The following MGAT4C variants were observed in gnomAD, a reference collection of about 807,000 sequenced individuals.
MGAT4C encodes the protein alpha-1,3-mannosyl-glycoprotein 4-beta-N-acetylglucosaminyltransferase C.
A neutral mutation model predicts 40.1 loss-of-function variants in MGAT4C; 19 were observed. The ratio of observed to expected loss-of-function variants is 0.47; its 90% CI spans 0.33 to 0.70. The LOEUF is 0.70. Ranked by LOEUF, MGAT4C falls within the 30% of genes least tolerant of loss-of-function variation. The pLI is 0.02. For missense variants in MGAT4C, 491 were observed against 563.2 expected, an observed-to-expected ratio of 0.87 and a Z score of 1.30; for synonymous variants, 181 against 187.1, an observed-to-expected ratio of 0.97 and a Z score of 0.27.
At chr12:86,518,737 A>C (rs1349632976) in intron 2 of MGAT4C, among the ~76,000 whole-genome samples, 1 of 152,178 alleles carries the variant, frequency 6.6e-6, no homozygotes, top group South Asian at 2.1e-4. Flanking sequence ...GCACACTACT[A>C]CTTCTATCAG....
intron 1 of MGAT4C, among the ~76,000 whole-genome samples, chr12:86,097,729 C>T (rs1339907945): frequency 6.6e-6 from 1 of 151,380 alleles, no homozygotes; most frequent in Non-Finnish European, 1.5e-5. Context: ...TTATAATTAG[C>T]CTATTATTTC....
At chr12:86,083,500 T>C (rs989098828) in intron 1 of MGAT4C, among the ~76,000 whole-genome samples, 2 of 152,062 alleles carry the variant, frequency 1.3e-5, no homozygotes, top group African/African-American at 4.8e-5. Flanking sequence ...TTTCCTGTCA[T>C]TTCCTCACAA....
intron 2 of MGAT4C, among the ~76,000 whole-genome samples, chr12:86,626,885 C>T (rs1962822912): frequency 6.6e-6 from 1 of 152,168 alleles, no homozygotes; most frequent in East Asian, 1.9e-4. Flanking sequence ...TGGGTGCAAC[C>T]CACAGAGGGT....
chr12:86,713,135 A>G (rs1950588227), intron 2 of MGAT4C, among the ~76,000 whole-genome samples: 1 of 151,980 alleles, frequency 6.6e-6, no homozygotes, highest in Admixed American at 6.6e-5. Flanking sequence ...TATTTATACA[A>G]TTACATTAAG....
chr12:86,025,862 T>A (rs1890197111), intron 2 of MGAT4C, among the ~76,000 whole-genome samples: 1 of 151,802 alleles, frequency 6.6e-6, no homozygotes, highest in African/African-American at 2.4e-5. Context: ...TTATGCTATG[T>A]TGTCTCTCTT....
At chr12:86,088,688 C>T (rs1872351051) in intron 1 of MGAT4C, among the ~76,000 whole-genome samples, 1 of 151,042 alleles carries the variant, frequency 6.6e-6, no homozygotes, top group African/African-American at 2.4e-5. Flanking sequence ...GATACCATCT[C>T]ATATTAAAAG....
chr12:86,509,592 G>T (rs1459831353), intron 2 of MGAT4C, among the ~76,000 whole-genome samples: 1 of 152,014 alleles, frequency 6.6e-6, no homozygotes, highest in African/African-American at 2.4e-5. Flanking sequence ...TTCCAATTCT[G>T]TGAAGAAAGT....
chr12:86,698,242 T>C (rs1423971158), intron 2 of MGAT4C, among the ~76,000 whole-genome samples: 4 of 151,922 alleles, frequency 2.6e-5, no homozygotes, highest in Non-Finnish European at 2.9e-5. Flanking sequence ...TAAAGGAGTA[T>C]TAATAGATTC....
At chr12:86,431,934 G>A (rs1957047184) in intron 3 of MGAT4C, among the ~76,000 whole-genome samples, 1 of 152,086 alleles carries the variant, frequency 6.6e-6, no homozygotes, top group Non-Finnish European at 1.5e-5. Flanking sequence ...AAAGACTATG[G>A]AGAGAAGAGG....
intron 1 of MGAT4C, among the ~76,000 whole-genome samples, chr12:86,220,595 T>G (rs1279490665): frequency 6.6e-6 from 1 of 152,166 alleles, no homozygotes; most frequent in Non-Finnish European, 1.5e-5. Context: ...CTACTGTGAT[T>G]CCTAATGCAT....
chr12:86,505,709 G>A (rs183465418), intron 2 of MGAT4C, among the ~76,000 whole-genome samples: 7 of 152,168 alleles, frequency 4.6e-5, no homozygotes, highest in Non-Finnish European at 7.4e-5. Context: ...TATGACTTAG[G>A]TTCATTTGTA....
chr12:86,484,869 C>T (rs189369871), intron 2 of MGAT4C, among the ~76,000 whole-genome samples: 181 of 152,212 alleles, frequency 1.2e-3, no homozygotes, highest in Non-Finnish European at 4.6e-4. Context: ...TTCCCCAGCC[C>T]ACCAAAAAGC....
At chr12:86,123,009 T>C (rs935772359) in intron 1 of MGAT4C, among the ~76,000 whole-genome samples, 2 of 152,154 alleles carry the variant, frequency 1.3e-5, no homozygotes, top group Non-Finnish European at 2.9e-5. Context: ...TGGTTGTATC[T>C]AGACAAGCCA....
At chr12:86,019,924 T>C (rs1353066568) in intron 2 of MGAT4C, among the ~76,000 whole-genome samples, 1 of 152,138 alleles carries the variant, frequency 6.6e-6, no homozygotes, top group Non-Finnish European at 1.5e-5. Context: ...GTAAGTTGGA[T>C]TCCTAGGTAT....
At position 86,181,982 on chromosome 12, in the gene MGAT4C, T is replaced by A. The variant is rs896712001; in HGVS notation, c.-57+74257A>T. On this transcript the variant is annotated intron_variant, in intron 1 of 4. Transcript: ENST00000611864. ...GTTTAATAAACCACTGTTAGAATAT[T>A]TTTTAAATGCTAATAACACTCTATC... Among the ~76,000 whole-genome samples the A allele has an allele frequency of 3.9e-5, 6 of 152,228 alleles. No homozygotes were observed. In the South Asian group the frequency reaches 6.2e-4, roughly 16 times the overall value.
At chr12:86,607,402 C>T (rs1295204646) in intron 2 of MGAT4C, among the ~76,000 whole-genome samples, 1 of 151,992 alleles carries the variant, frequency 6.6e-6, no homozygotes, top group African/African-American at 2.4e-5. Context: ...AATGTACATA[C>T]AACATAACAG....
intron 1 of MGAT4C, among the ~76,000 whole-genome samples, chr12:86,800,746 C>T (rs1952210732): frequency 6.6e-6 from 1 of 151,874 alleles, no homozygotes; most frequent in Admixed American, 6.6e-5. Flanking sequence ...ACTGAGAGGT[C>T]AGAGTATTGA....
intron 2 of MGAT4C, among the ~76,000 whole-genome samples, chr12:86,029,394 AG>A (rs1486369124): frequency 6.6e-6 from 1 of 151,948 alleles, no homozygotes; most frequent in Non-Finnish European, 1.5e-5. Context: ...CTTTTTAAAC[AG>A]TACATTTAAA....
chr12:86,648,077 C>G (rs967045047), intron 2 of MGAT4C, among the ~76,000 whole-genome samples: 3 of 151,852 alleles, frequency 2.0e-5, no homozygotes, highest in African/African-American at 7.2e-5. Flanking sequence ...GTAAATTTAA[C>G]TGTTTCCAAA....
Sources: gnomAD v4.1 joint callset for allele counts (sites outside exome capture counted in the v4.1 genomes callset) on GRCh38, gnomAD v4.1.1 for gene constraint, MANE v1.5 for transcripts, NCBI Gene and HGNC (gene_info 2026-07-23, HGNC 2026-07-21) for gene names.